MAGI2: variants seen among roughly 807,000 people sequenced by gnomAD.
MAGI2 encodes the protein membrane-associated guanylate kinase, WW and PDZ domain-containing protein 2.
In MAGI2, 35 loss-of-function variants were observed where a neutral mutation model predicts 133.3. The ratio of observed to expected loss-of-function variants is 0.26; its 90% confidence interval spans 0.20 to 0.35. The LOEUF (loss-of-function observed/expected upper bound fraction) is 0.35, where lower values mean the gene tolerates loss of function less well. MAGI2 is among the 10% of genes least tolerant of loss of function. MAGI2 has a pLI of 1.00. For missense variants in MAGI2, 1,636 were observed against 1,863.4 expected (o/e 0.88, Z 2.25); for synonymous variants, 729 against 710.6 (o/e 1.03, Z -0.41).
chr7:78,544,253 G>A (rs1242325825), intron 3 of MAGI2, among the ~76,000 whole-genome samples: 1 of 152,240 alleles, frequency 6.6e-6, no homozygotes, highest in African/African-American at 2.4e-5. Context: ...TGATTTCAGT[G>A]TAATTCCTAA....
intron 1 of MAGI2, among the ~76,000 whole-genome samples, chr7:79,054,174 C>T (rs146273874): frequency 3.6e-4 from 55 of 151,932 alleles, no homozygotes; most frequent in South Asian, 4.2e-4. Flanking sequence ...CCAGCTTGGG[C>T]GACATAGCGA....
chr7:78,292,238 C>T (rs1380429045), intron 9 of MAGI2, among the ~76,000 whole-genome samples: 2 of 152,216 alleles, frequency 1.3e-5, no homozygotes, highest in Non-Finnish European at 2.9e-5. Flanking sequence ...AGCAAAGTCT[C>T]AGGATACAAA....
chr7:78,300,254 A>G (rs780036721), intron 9 of MAGI2, among the ~76,000 whole-genome samples: 4 of 152,206 alleles, frequency 2.6e-5, no homozygotes, highest in Non-Finnish European at 4.4e-5. Context: ...AAATGTTACT[A>G]TATCACAAAT....
intron 1 of MAGI2, among the ~76,000 whole-genome samples, chr7:79,113,794 C>T (rs1418674590): frequency 1.4e-5 from 2 of 144,204 alleles, no homozygotes; most frequent in African/African-American, 5.1e-5. Context: ...TAATAATCTC[C>T]TCCTATTACA....
At chr7:78,396,449 T>TAAAG (rs1796353078) in intron 6 of MAGI2, among the ~76,000 whole-genome samples, 1 of 152,146 alleles carries the variant, frequency 6.6e-6, no homozygotes, top group Non-Finnish European at 1.5e-5. Context: ...TGCCCTTTAC[T>TAAAG]TTACTTGGAA....
At chr7:78,688,984 C>A (rs1159948470) in intron 2 of MAGI2, among the ~76,000 whole-genome samples, 1 of 152,182 alleles carries the variant, frequency 6.6e-6, no homozygotes, top group African/African-American at 2.4e-5. Flanking sequence ...TTTCAGTACT[C>A]TCTTTCTTTA....
intron 1 of MAGI2, among the ~76,000 whole-genome samples, chr7:79,171,761 TATA>T (rs1825604561): frequency 4.7e-5 from 2 of 42,374 alleles, no homozygotes; most frequent in South Asian, 5.7e-4. Context: ...TATATATATA[TATA>T]TATATATTTT....
At chr7:78,900,510 G>A (rs919671284) in intron 2 of MAGI2, among the ~76,000 whole-genome samples, 1 of 151,816 alleles carries the variant, frequency 6.6e-6, no homozygotes, top group Non-Finnish European at 1.5e-5. Flanking sequence ...ACACTTGCTC[G>A]GCCCTCTACC....
At chr7:78,652,546 G>A (rs1351381363) in intron 2 of MAGI2, among the ~76,000 whole-genome samples, 1 of 152,112 alleles carries the variant, frequency 6.6e-6, no homozygotes, top group Non-Finnish European at 1.5e-5. Context: ...TTAATAAATG[G>A]TGTAGGGAAA....
chr7:78,739,006 T>A (rs1405508499), intron 2 of MAGI2, among the ~76,000 whole-genome samples: 2 of 152,142 alleles, frequency 1.3e-5, no homozygotes, highest in Non-Finnish European at 2.9e-5. Context: ...GAAAACTAAT[T>A]TGGACAATGC....
chr7:78,974,965 T>C (rs1442883825), intron 2 of MAGI2, among the ~76,000 whole-genome samples: 1 of 151,666 alleles, frequency 6.6e-6, no homozygotes, highest in Non-Finnish European at 1.5e-5. Flanking sequence ...ATGGGGTCGA[T>C]TTTTAAAGAA....
At chr7:79,444,238 C>T (rs939902641) in intron 1 of MAGI2, among the ~76,000 whole-genome samples, 1 of 152,172 alleles carries the variant, frequency 6.6e-6, no homozygotes, top group Non-Finnish European at 1.5e-5. Flanking sequence ...GAAGCATTCC[C>T]TTTGAAAACT....
chr7:78,435,355 T>C (rs141481002), intron 6 of MAGI2, among the ~76,000 whole-genome samples: 16 of 152,250 alleles, frequency 1.1e-4, no homozygotes, highest in African/African-American at 3.9e-4. Context: ...AAATTCAAGT[T>C]GTTAACCTCA....
At chr7:79,080,557 C>A (rs2129541840) in intron 1 of MAGI2, among the ~76,000 whole-genome samples, 1 of 152,132 alleles carries the variant, frequency 6.6e-6, no homozygotes, top group African/African-American at 2.4e-5. Flanking sequence ...AATATATCAT[C>A]AAGTATGTAC....
intron 2 of MAGI2, among the ~76,000 whole-genome samples, chr7:78,789,244 T>C (rs1827080437): frequency 6.6e-6 from 1 of 152,240 alleles, no homozygotes; most frequent in Non-Finnish European, 1.5e-5. Context: ...GAGGATCATT[T>C]ATTTGAGCTA....
At chr7:79,236,460 T>A (rs1252047108) in intron 1 of MAGI2, among the ~76,000 whole-genome samples, 1 of 152,212 alleles carries the variant, frequency 6.6e-6, no homozygotes, top group Non-Finnish European at 1.5e-5. Context: ...GCTGGTTTTA[T>A]GAAAAAGATT....
At chr7:79,035,192 G>C (rs1322313730) in intron 1 of MAGI2, among the ~76,000 whole-genome samples, 1 of 58,306 alleles carries the variant, frequency 1.7e-5, no homozygotes, top group African/African-American at 1.4e-4. Flanking sequence ...AAAAAAAAGT[G>C]TGTGTGTGTG....
intron 1 of MAGI2, among the ~76,000 whole-genome samples, chr7:79,208,600 C>T (rs1447373015): frequency 6.6e-6 from 1 of 151,876 alleles, no homozygotes; most frequent in East Asian, 1.9e-4. Context: ...ATTATTATAG[C>T]CATCATGGAA....
intron 4 of MAGI2, among the ~76,000 whole-genome samples, chr7:78,510,896 T>C (rs554737655): frequency 6.6e-6 from 1 of 152,284 alleles, no homozygotes; most frequent in South Asian, 2.1e-4. Flanking sequence ...TCTTCTCATA[T>C]ACCCCCAGAG....
Sources: allele counts gnomAD v4.1 joint callset (sites outside exome capture counted in the v4.1 genomes callset), GRCh38; gene constraint gnomAD v4.1.1; transcripts MANE v1.5; gene names NCBI Gene and HGNC (gene_info 2026-07-23, HGNC 2026-07-21).